STPG2: variants seen among roughly 807,000 people sequenced by gnomAD.
STPG2 encodes the protein sperm tail PG-rich repeat containing 2.
STPG2 carries 56 observed loss-of-function variants against 54.2 expected under a neutral mutation model. The observed-to-expected ratio is 1.03, with a 90% confidence interval of 0.83 to 1.29. The LOEUF is 1.29. STPG2 is among the 50% of genes most tolerant of loss of function. The pLI, the probability that STPG2 is intolerant of heterozygous loss-of-function variation, is 0.00. For synonymous variants in STPG2, 200 were observed against 181.8 expected, an observed-to-expected ratio of 1.10 and a Z score of -0.81; for missense variants, 596 against 544.9, an observed-to-expected ratio of 1.09 and a Z score of -0.93.
At chr4:98,014,615 A>C (rs13121766) in intron 5 of STPG2, among the ~76,000 whole-genome samples, 59,290 of 151,830 alleles carry the variant, frequency 0.39, 11,788 homozygotes, top group Middle Eastern at 0.46. Flanking sequence ...AATACTTTTA[A>C]CCTCTATATT....
chr4:98,128,197 C>T (rs1739882106), intron 3 of STPG2, among the ~76,000 whole-genome samples: 1 of 152,154 alleles, frequency 6.6e-6, no homozygotes, highest in Admixed American at 6.5e-5. Flanking sequence ...GTCCCTGAAT[C>T]TCAGCATGAA....
intron 3 of STPG2, among the ~76,000 whole-genome samples, chr4:98,120,261 A>T (rs1314781530): frequency 6.6e-6 from 1 of 152,000 alleles, no homozygotes; most frequent in Non-Finnish European, 1.5e-5. Context: ...TTGTATTTTT[A>T]GTAGAGACGG....
intron 5 of STPG2, among the ~76,000 whole-genome samples, chr4:98,024,730 G>A (rs1736358886): frequency 6.6e-6 from 1 of 152,188 alleles, no homozygotes; most frequent in African/African-American, 2.4e-5. Context: ...TTTCATGACA[G>A]AATTTTACTT....
intron 5 of STPG2, among the ~76,000 whole-genome samples, chr4:98,042,929 G>A (rs1260850584): frequency 6.6e-6 from 1 of 151,682 alleles, no homozygotes; most frequent in Non-Finnish European, 1.5e-5. Context: ...TTGTAAGAAG[G>A]GTATTGAAGT....
rs961019201 is a variant in STPG2 at position 98,082,507 on chromosome 4, G to A, written c.612+23446C>T. 5.2e-4 allele frequency among the ~76,000 whole-genome samples: 56 copies of A among 108,208 alleles called. 1 individual carries two copies. Among genetic ancestry groups the A allele is most frequent in the Non-Finnish European group, 6.7e-4 (40 of 59,644 alleles). 71.0% of individuals were successfully genotyped at this position (108,208 alleles called of 152,430 possible). A position where few individuals can be genotyped will look rare whatever the true frequency, so the allele number is the denominator to read the frequency against. On this transcript the variant is annotated intron_variant, in intron 5 of 10. Transcript: ENST00000295268. ...TTTTTTGTCGCCCAGGCTGGAGTAC[G>A]GTGGCTCAATCTCGGCTCACTGCAA...
intron 10 of STPG2, among the ~76,000 whole-genome samples, chr4:97,611,437 G>T (rs868441261): frequency 6.6e-6 from 1 of 151,652 alleles, no homozygotes; most frequent in South Asian, 2.1e-4. Flanking sequence ...CAATATCTAG[G>T]CTTTTATAAT....
chr4:97,762,669 G>C (rs1725923631), intron 9 of STPG2, among the ~76,000 whole-genome samples: 1 of 152,064 alleles, frequency 6.6e-6, no homozygotes, highest in Admixed American at 6.6e-5. Context: ...TATTTGGAAA[G>C]TATTCCACAC....
At chr4:97,883,056 C>T (rs528312737) in intron 8 of STPG2, among the ~76,000 whole-genome samples, 18 of 151,824 alleles carry the variant, frequency 1.2e-4, no homozygotes, top group East Asian at 3.9e-4. Flanking sequence ...TGGTGGCTCA[C>T]GCTGTAATCC....
Position 97,700,023 on chromosome 4 carries a change from C to G in STPG2, c.1320+12676G>C, listed in dbSNP as rs181109673. 1.2e-4 allele frequency among the ~76,000 whole-genome samples: 18 copies of G among 152,280 alleles called. No individual in the cohort carries two copies. In the East Asian group the frequency reaches 1.9e-3, roughly 16 times the overall value. Reference sequence around the variant, plus strand: ...ATAGGCAGTTGAGGTCATGTGGTGACTTGATGACCCATAGTCAAACGTTCA... The same window carrying G: ...ATAGGCAGTTGAGGTCATGTGGTGAGTTGATGACCCATAGTCAAACGTTCA... On this transcript the variant is annotated intron_variant, in intron 10 of 10. Coordinates refer to ENST00000295268, the MANE Select transcript of STPG2 (RefSeq NM_174952.3).
intron 9 of STPG2, among the ~76,000 whole-genome samples, chr4:97,738,726 C>T (rs1313647788): frequency 2.0e-5 from 3 of 152,022 alleles, no homozygotes; most frequent in Non-Finnish European, 4.4e-5. Flanking sequence ...TCCTGAGTGA[C>T]CTACAAAGAG....
chr4:97,849,935 G>A (rs1355866065), intron 8 of STPG2, among the ~76,000 whole-genome samples: 1 of 152,018 alleles, frequency 6.6e-6, no homozygotes, highest in East Asian at 1.9e-4. Flanking sequence ...ATACCCAAAG[G>A]ATTATAAATC....
At chr4:97,703,648 T>C (rs1028030927) in intron 10 of STPG2, among the ~76,000 whole-genome samples, 1 of 135,524 alleles carries the variant, frequency 7.4e-6, no homozygotes, top group African/African-American at 2.9e-5. Context: ...AAATAAAACA[T>C]ATATAAATAA....
chr4:98,135,326 T>C (rs538498545), intron 1 of STPG2, among the ~76,000 whole-genome samples: 1 of 151,894 alleles, frequency 6.6e-6, no homozygotes, highest in South Asian at 2.1e-4. Context: ...TAAAATAAAA[T>C]AATGTGTTTC....
At chr4:98,061,578 C>A (rs1208196691) in intron 5 of STPG2, among the ~76,000 whole-genome samples, 1 of 150,736 alleles carries the variant, frequency 6.6e-6, no homozygotes, top group East Asian at 1.9e-4. Context: ...CAGAGCCAAA[C>A]CATATCATAA....
chr4:97,483,341 T>G (rs1031014457), intron 4 of STPG2, among the ~76,000 whole-genome samples: 1 of 151,388 alleles, frequency 6.6e-6, no homozygotes, highest in African/African-American at 2.4e-5. Context: ...AGACTACACA[T>G]AAGAACTCAC....
At chr4:98,007,129 T>G (rs978247903) in intron 5 of STPG2, among the ~76,000 whole-genome samples, 6 of 152,222 alleles carry the variant, frequency 3.9e-5, no homozygotes, top group Admixed American at 3.9e-4. Flanking sequence ...AGCCTATGCC[T>G]GGGACACCAG....
intron 4 of STPG2, among the ~76,000 whole-genome samples, chr4:97,552,120 T>C (rs1001984583): frequency 6.6e-6 from 1 of 152,150 alleles, no homozygotes; most frequent in Non-Finnish European, 1.5e-5. Context: ...AAAAAACATA[T>C]TGTATAGCCA....
At chr4:97,473,938 T>G (rs1388310852) in intron 4 of STPG2, among the ~76,000 whole-genome samples, 3 of 152,062 alleles carry the variant, frequency 2.0e-5, no homozygotes, top group Non-Finnish European at 4.4e-5. Flanking sequence ...TCCCAGAGGT[T>G]AGGGAGGAAG....
At chr4:97,564,001 G>C (rs983685510) in intron 10 of STPG2, among the ~76,000 whole-genome samples, 10 of 152,112 alleles carry the variant, frequency 6.6e-5, no homozygotes, top group Non-Finnish European at 1.2e-4. Flanking sequence ...TTAACTTTCT[G>C]TCTGTTGATC....
Sources: allele counts gnomAD v4.1 joint callset (sites outside exome capture counted in the v4.1 genomes callset), GRCh38; gene constraint gnomAD v4.1.1; transcripts MANE v1.5; gene names NCBI Gene and HGNC (gene_info 2026-07-23, HGNC 2026-07-21).